The following PPFIA2 variants were observed in gnomAD, a reference collection of about 807,000 sequenced individuals.
PPFIA2 encodes PPFI scaffold protein A2.
In PPFIA2, 46 loss-of-function variants were observed where a neutral mutation model predicts 175.5. That is an observed-to-expected ratio of 0.26 (90% CI 0.21 to 0.34). The LOEUF (loss-of-function observed/expected upper bound fraction) is 0.34. PPFIA2 is among the 10% of genes least tolerant of loss of function. PPFIA2 has a pLI of 1.00. For synonymous variants in PPFIA2, 568 were observed against 511.4 expected, an observed-to-expected ratio of 1.11 and a Z score of -1.49; for missense variants, 1,179 against 1,506.1, an observed-to-expected ratio of 0.78 and a Z score of 3.60.
intron 31 of PPFIA2, among the ~76,000 whole-genome samples, chr12:81,262,502 A>T (rs143993055): frequency 1.5e-3 from 224 of 152,338 alleles, no homozygotes; most frequent in Non-Finnish European, 1.4e-3. Flanking sequence ...AATTTGAGTT[A>T]TAATAACTGT....
chr12:81,312,734 G>A (rs1237203882), intron 22 of PPFIA2, among the ~76,000 whole-genome samples: 1 of 152,124 alleles, frequency 6.6e-6, no homozygotes, highest in Non-Finnish European at 1.5e-5. Context: ...AGCAGATTCT[G>A]ATCTTCAATT....
intron 7 of PPFIA2, among the ~76,000 whole-genome samples, chr12:81,415,905 A>G (rs2045167556): frequency 6.6e-6 from 1 of 151,562 alleles, no homozygotes; most frequent in African/African-American, 2.4e-5. Flanking sequence ...TTGTCTAATC[A>G]GTATTTCAGT....
At position 81,636,246 on chromosome 12, in the gene PPFIA2, T is replaced by G. The variant is rs147659954; in HGVS notation, c.303+40545A>C. On this transcript the variant is annotated intron_variant, in intron 4 of 32. Coordinates refer to ENST00000549396, the MANE Select transcript of PPFIA2 (RefSeq NM_003625.5). The stretch of plus-strand genomic sequence containing the variant: ...GTCCTCAAACGTAAATCTGATTGTA[T>G]CAATCATAACTCTCTGATTTTTTTT... Among the ~76,000 whole-genome samples the G allele has an allele frequency of 4.9e-3, 736 of 151,164 alleles. 3 individuals carry two copies. The highest frequency in any genetic ancestry group is 0.014 in the African/African-American group (560 of 41,280).
chr12:81,698,450 T>A (rs1023300733), intron 3 of PPFIA2, among the ~76,000 whole-genome samples: 1 of 152,240 alleles, frequency 6.6e-6, no homozygotes, highest in East Asian at 1.9e-4. Flanking sequence ...TGAGGACCCC[T>A]TGACTTTGGA....
chr12:81,421,687 G>A lies in PPFIA2; in HGVS notation c.646-15784C>T, dbSNP rs115952753. On this transcript the variant is annotated intron_variant, in intron 7 of 32. Coordinates refer to ENST00000549396, the MANE Select transcript of PPFIA2 (RefSeq NM_003625.5). ...AAAAGAAATTAGTAATTCCTCACCTGTCAATAATTACTTTAAATATACATG... is the reference window on the plus strand; with the variant it reads ...AAAAGAAATTAGTAATTCCTCACCTATCAATAATTACTTTAAATATACATG... 4.1e-3 allele frequency among the ~76,000 whole-genome samples: 617 copies of A among 152,054 alleles called. 10 individuals carry two copies. Among genetic ancestry groups the A allele is most frequent in the African/African-American group, 0.014 (579 of 41,516 alleles).
At chr12:81,661,071 C>T (rs1408032289) in intron 4 of PPFIA2, among the ~76,000 whole-genome samples, 1 of 152,146 alleles carries the variant, frequency 6.6e-6, no homozygotes, top group African/African-American at 2.4e-5. Flanking sequence ...AAGGAACAAC[C>T]AGTAACAGCC....
intron 4 of PPFIA2, among the ~76,000 whole-genome samples, chr12:81,485,699 A>G (rs540031127): frequency 2.4e-4 from 36 of 152,100 alleles, no homozygotes; most frequent in South Asian, 6.2e-4. Context: ...ACAAGTCACA[A>G]AATAGTAAAC....
intron 4 of PPFIA2, among the ~76,000 whole-genome samples, chr12:81,460,049 G>C (rs908468464): frequency 6.6e-6 from 1 of 151,932 alleles, no homozygotes; most frequent in Non-Finnish European, 1.5e-5. Flanking sequence ...TTCAGATCTG[G>C]AGTACATTTA....
chr12:81,355,690 G>T (rs1441988500), intron 16 of PPFIA2, among the ~76,000 whole-genome samples: 1 of 152,180 alleles, frequency 6.6e-6, no homozygotes, highest in African/African-American at 2.4e-5. Flanking sequence ...ATGTTGTGAA[G>T]ATGGCTTCCT....
chr12:81,311,722 G>T (rs549420594), intron 22 of PPFIA2, among the ~76,000 whole-genome samples: 4 of 120,814 alleles, frequency 3.3e-5, no homozygotes, highest in African/African-American at 9.8e-5. Flanking sequence ...AACATAGCAA[G>T]ACTCTGTCTC....
At chr12:81,391,986 G>A (rs973541600) in intron 8 of PPFIA2, among the ~76,000 whole-genome samples, 5 of 151,960 alleles carry the variant, frequency 3.3e-5, no homozygotes, top group Admixed American at 1.3e-4. Context: ...TTTTGCTCAA[G>A]GTGATATGAA....
At chr12:81,660,817 A>C (rs2068703984) in intron 4 of PPFIA2, among the ~76,000 whole-genome samples, 1 of 152,236 alleles carries the variant, frequency 6.6e-6, no homozygotes, top group Non-Finnish European at 1.5e-5. Flanking sequence ...GTTACCCACA[A>C]AGGGAATCCC....
intron 21 of PPFIA2, among the ~76,000 whole-genome samples, chr12:81,330,152 C>T (rs1490188495): frequency 6.6e-6 from 1 of 151,994 alleles, no homozygotes; most frequent in East Asian, 1.9e-4. Context: ...CCAGGGAAGG[C>T]CATGAACAGA....
At chr12:81,616,117 G>A (rs1042589241) in intron 4 of PPFIA2, among the ~76,000 whole-genome samples, 31 of 152,182 alleles carry the variant, frequency 2.0e-4, no homozygotes, top group African/African-American at 6.7e-4. Context: ...TGTTGGGGGA[G>A]AGAATTTTGG....
chr12:81,591,530 G>T (rs935347521), intron 4 of PPFIA2, among the ~76,000 whole-genome samples: 1 of 152,174 alleles, frequency 6.6e-6, no homozygotes, highest in African/African-American at 2.4e-5. Flanking sequence ...CAGAGGTAGA[G>T]GAGGAAAAAG....
At chr12:81,525,612 G>T (rs751324364) in intron 4 of PPFIA2, among the ~76,000 whole-genome samples, 145 of 152,146 alleles carry the variant, frequency 9.5e-4, no homozygotes, top group South Asian at 1.0e-3. Flanking sequence ...TTGAGCAGAA[G>T]ACTCACCTAG....
intron 11 of PPFIA2, among the ~76,000 whole-genome samples, chr12:81,372,673 T>C (rs1480027959): frequency 6.6e-6 from 1 of 150,866 alleles, no homozygotes; most frequent in Non-Finnish European, 1.5e-5. Context: ...AAAAGGAATG[T>C]GTTCAGGATA....
At chr12:81,528,001 C>A (rs2063943184) in intron 4 of PPFIA2, among the ~76,000 whole-genome samples, 1 of 152,062 alleles carries the variant, frequency 6.6e-6, no homozygotes, top group Non-Finnish European at 1.5e-5. Context: ...GTTGTAGCAG[C>A]CTGAACGAAC....
intron 3 of PPFIA2, among the ~76,000 whole-genome samples, chr12:81,730,625 G>A (rs960544666): frequency 4.0e-5 from 6 of 151,610 alleles, no homozygotes; most frequent in African/African-American, 1.5e-4. Flanking sequence ...TGAGATTTGG[G>A]TGGGGACACA....
Sources: allele counts gnomAD v4.1 joint callset (sites outside exome capture counted in the v4.1 genomes callset), GRCh38; gene constraint gnomAD v4.1.1; transcripts MANE v1.5; gene names NCBI Gene and HGNC (gene_info 2026-07-23, HGNC 2026-07-21).